Variants in ANKRD34C observed in about 807,000 individuals in gnomAD.
The protein encoded by ANKRD34C is ankyrin repeat domain-containing protein 34C.
For synonymous variants in ANKRD34C, 260 were observed against 253.6 expected (o/e 1.03, Z -0.24); for missense variants, 563 against 653.0 (o/e 0.86, Z 1.50).
In ANKRD34C at chr15:79,294,933, A is replaced by G; in HGVS notation, c.*41A>G. ...TTAAAATAGTCAATATAGTTTATGG[A>G]AGGGACTATGGATGAGACTGCTTCC... On this transcript the variant is annotated 3_prime_UTR_variant, in exon 2 of 2. Transcript: ENST00000421388. 6.8e-7 allele frequency: 1 copy of G among 1,477,152 alleles called. No individual in the cohort carries two copies. The highest frequency in any genetic ancestry group is 9.0e-7 in the Non-Finnish European group (1 of 1,115,414). The allele number at this position is 1,477,152 out of a possible 1,614,324, so 91.5% of individuals were successfully genotyped here.
chr15:79,286,127 C>G (rs1430299356), intron 1 of ANKRD34C, among the ~76,000 whole-genome samples: 1 of 151,880 alleles, frequency 6.6e-6, no homozygotes, highest in South Asian at 2.1e-4. Flanking sequence ...AGTATTTCCT[C>G]TCCAGCCCCT....
At chr15:79,290,316 T>C (rs7169740) in intron 1 of ANKRD34C, among the ~76,000 whole-genome samples, 72,204 of 151,628 alleles carry the variant, frequency 0.48, 17,936 homozygotes, top group Non-Finnish European at 0.56. Flanking sequence ...TGAGCCATCA[T>C]GCCCAGCCTA....
chr15:79,285,651 T>C (rs1318654221), intron 1 of ANKRD34C, among the ~76,000 whole-genome samples: 1 of 152,228 alleles, frequency 6.6e-6, no homozygotes, highest in Non-Finnish European at 1.5e-5. Flanking sequence ...GCCAGTTAAG[T>C]AACCTGAATG....
chr15:79,289,496 A>G (rs778514758), intron 1 of ANKRD34C, among the ~76,000 whole-genome samples: 17 of 152,168 alleles, frequency 1.1e-4, no homozygotes, highest in Non-Finnish European at 2.9e-5. Context: ...GCTGATTCCA[A>G]CTGAAAGGAG....
chr15:79,293,180 C>T, intron 1 of ANKRD34C, 61 bp from the exon 2 acceptor site: 2 of 1,247,658 alleles, frequency 1.6e-6, no homozygotes, highest in Non-Finnish European at 2.2e-6. Flanking sequence ...CCCGTAATAA[C>T]CATGCTGCAC....
In ANKRD34C at chr15:79,295,652, TG is replaced by T. The variant is rs2058670576; in HGVS notation, c.*761del. 1 of 167,052 alleles carries T rather than the reference TG, an allele frequency of 6.0e-6. No homozygotes were observed. Among genetic ancestry groups the T allele is most frequent in the Non-Finnish European group, 1.5e-5 (1 of 68,112 alleles). 10.3% of individuals were successfully genotyped at this position (167,052 alleles called of 1,614,324 possible). On this transcript the variant is annotated 3_prime_UTR_variant, in exon 2 of 2. Coordinates refer to ENST00000421388, the MANE Select transcript of ANKRD34C (RefSeq NM_001146341.2). ...CACAGGCTCTTGTATTGAAATCTTG[TG>T]AAAAACAGTCAAGGTTAACTAACTT... is the stretch of plus-strand genomic sequence containing the variant.
rs2141203606 is a variant in ANKRD34C, at chr15:79,294,533, C to T, written c.1249C>T (p.His417Tyr). ...KLNSSHLSLF[H>Y]GSRESLDTVP... ...CAACAGCTCTCACTTGTCTCTTTTC[C>T]ATGGCTCTCGGGAGTCCCTGGACAC... Residue 417 changes from histidine to tyrosine, a missense_variant, in exon 2 of 2, where the codon CAT becomes TAT. Coordinates refer to ENST00000421388, the MANE Select transcript of ANKRD34C (RefSeq NM_001146341.2). 1.3e-6 allele frequency: 2 copies of T among 1,551,696 alleles called. No homozygotes were observed. Among genetic ancestry groups the T allele is most frequent in the East Asian group, 2.4e-5 (1 of 40,916 alleles).
At position 79,296,643 on chromosome 15, in the gene ANKRD34C, C is replaced by T. The variant is rs2058673048; in HGVS notation, c.*1751C>T. 2 of 167,008 alleles carry T rather than the reference C, an allele frequency of 1.2e-5. No individual in the cohort carries two copies. The highest frequency in any genetic ancestry group is 1.3e-4 in the Admixed American group (2 of 15,284). The allele number at this position is 167,008 out of a possible 1,614,324, so 10.3% of individuals were successfully genotyped here. On this transcript the variant is annotated 3_prime_UTR_variant, in exon 2 of 2. Transcript: ENST00000421388. Reference sequence around the variant, plus strand: ...TAGAAATTTATCTGAATATTCCAAACAAAAGTGTTAATGATGGTTAAACAA... The same window carrying T: ...TAGAAATTTATCTGAATATTCCAAATAAAAGTGTTAATGATGGTTAAACAA...
intron 1 of ANKRD34C, among the ~76,000 whole-genome samples, chr15:79,285,996 G>GGGGACAATAAAATAATCAAAGGACATC (rs2058643505): frequency 6.6e-6 from 1 of 152,080 alleles, no homozygotes; most frequent in Non-Finnish European, 1.5e-5. Context: ...CTTTACTTTT[G>GGGGACAATAAAATAATCAAAGGACATC]GGGACAATAA....
In ANKRD34C at chr15:79,295,114, A is replaced by G; in HGVS notation, c.*222A>G. 1.9e-6 allele frequency: 1 copy of G among 535,338 alleles called. No homozygotes were observed. 33.2% of individuals were successfully genotyped at this position (535,338 alleles called of 1,614,324 possible). ...AGATAAATTTTTAAAAATTCTGCAA[A>G]GGAAGAAAGCCTTTGGAATTTGAAG... On this transcript the variant is annotated 3_prime_UTR_variant, in exon 2 of 2. Coordinates refer to ENST00000421388, the MANE Select transcript of ANKRD34C (RefSeq NM_001146341.2).
intron 1 of ANKRD34C, among the ~76,000 whole-genome samples, chr15:79,292,425 C>T (rs2058662063): frequency 6.6e-6 from 1 of 152,214 alleles, no homozygotes; most frequent in Admixed American, 6.5e-5. Flanking sequence ...TATTTCCTAA[C>T]ATTTGTGAAC....
Position 79,295,378 on chromosome 15 carries a change from TC to T in ANKRD34C, c.*492del, listed in dbSNP as rs952633705. 17 of 170,526 alleles carry T rather than the reference TC, an allele frequency of 1.0e-4. No individual in the cohort carries two copies. Among genetic ancestry groups the T allele is most frequent in the African/African-American group, 3.6e-4 (15 of 41,544 alleles). The allele number at this position is 170,526 out of a possible 1,614,324, so 10.6% of individuals were successfully genotyped here. ...CTATCTGATGGAGTAGAAGCAGAAT[TC>T]CCCCCATGGAAGAGGCTCTGGCCTG... On this transcript the variant is annotated 3_prime_UTR_variant, in exon 2 of 2. Coordinates refer to ENST00000421388, the MANE Select transcript of ANKRD34C (RefSeq NM_001146341.2).
intron 1 of ANKRD34C, among the ~76,000 whole-genome samples, chr15:79,288,777 G>A (rs149820981): frequency 1.3e-5 from 2 of 150,340 alleles, no homozygotes; most frequent in East Asian, 3.9e-4. Context: ...TGTCAACTGC[G>A]ACCATGTAAA....
intron 1 of ANKRD34C, among the ~76,000 whole-genome samples, chr15:79,292,860 G>A (rs111787000): frequency 1.3e-5 from 2 of 152,294 alleles, no homozygotes; most frequent in African/African-American, 4.8e-5. Flanking sequence ...GAAAATAATC[G>A]CAAACCTTTT....
chr15:79,294,357 T>C lies in ANKRD34C; in HGVS notation c.1073T>C (p.Met358Thr), dbSNP rs979752931. ...TLPVDQEKCGMGPSGPSALKE... is the reference protein window; with the variant it reads ...TLPVDQEKCGTGPSGPSALKE... ...CCTGTTGACCAAGAGAAATGTGGTA[T>C]GGGTCCATCAGGACCCTCTGCTCTC... is the stretch of plus-strand genomic sequence containing the variant. Residue 358 changes from methionine to threonine, a missense_variant, in exon 2 of 2, where the codon ATG becomes ACG. Met to Thr is a moderately conservative substitution (Grantham distance 81). Transcript: ENST00000421388. The C allele has an allele frequency of 6.4e-7, 1 of 1,551,494 alleles. No homozygotes were observed. The highest frequency in any genetic ancestry group is 8.7e-7 in the Non-Finnish European group (1 of 1,146,934).
At chr15:79,288,567 T>C (rs2058651627) in intron 1 of ANKRD34C, among the ~76,000 whole-genome samples, 1 of 152,110 alleles carries the variant, frequency 6.6e-6, no homozygotes, top group African/African-American at 2.4e-5. Flanking sequence ...AAACCAGGTG[T>C]GGGGGTTCAC....
chr15:79,289,609 G>C (rs772013002), intron 1 of ANKRD34C, among the ~76,000 whole-genome samples: 50 of 152,132 alleles, frequency 3.3e-4, no homozygotes, highest in Non-Finnish European at 5.7e-4. Flanking sequence ...TAGACTAGAG[G>C]TACGTGATTT....
chr15:79,286,628 A>G (rs1471251542), intron 1 of ANKRD34C, among the ~76,000 whole-genome samples: 1 of 152,110 alleles, frequency 6.6e-6, no homozygotes, highest in Non-Finnish European at 1.5e-5. Flanking sequence ...ACTTTCAAAC[A>G]TCTCTCCAGC....
intron 1 of ANKRD34C, among the ~76,000 whole-genome samples, chr15:79,288,812 C>CTTTTTT (rs60075615): frequency 7.4e-3 from 409 of 55,396 alleles, no homozygotes; most frequent in Middle Eastern, 0.019. Flanking sequence ...GCCCAGTATT[C>CTTTTTT]TTTTTTTTTT....
Sources: allele counts gnomAD v4.1 joint callset (sites outside exome capture counted in the v4.1 genomes callset), GRCh38; gene constraint gnomAD v4.1.1; transcripts MANE v1.5; gene names NCBI Gene and HGNC (gene_info 2026-07-23, HGNC 2026-07-21).